Variants in TMBIM6 observed in about 807,000 individuals in gnomAD.
The protein encoded by TMBIM6 is bax inhibitor 1.
TMBIM6 carries 13 observed loss-of-function variants against 31.4 expected under a neutral mutation model. That is an observed-to-expected ratio of 0.41 (90% confidence interval 0.27 to 0.66). TMBIM6 has a LOEUF of 0.66. Ranked by LOEUF, TMBIM6 falls within the 30% of genes least tolerant of loss-of-function variation. TMBIM6 has a pLI of 0.28. For missense variants in TMBIM6, 275 were observed against 289.5 expected (o/e 0.95, Z 0.36); for synonymous variants, 85 against 101.7 (o/e 0.84, Z 0.99).
At chr12:49,747,923 A>G (rs1421068775) in intron 1 of TMBIM6, among the ~76,000 whole-genome samples, 3 of 152,024 alleles carry the variant, frequency 2.0e-5, no homozygotes, top group African/African-American at 7.2e-5. Flanking sequence ...AATTTTTTTT[A>G]CACGTAGTCT....
chr12:49,751,926 C>A (rs932076577), intron 1 of TMBIM6, among the ~76,000 whole-genome samples: 1 of 151,840 alleles, frequency 6.6e-6, no homozygotes, highest in Non-Finnish European at 1.5e-5. Context: ...ACACACCCAG[C>A]TAATTTTTGT....
intron 1 of TMBIM6, chr12:49,742,069 T>C: frequency 1.3e-6 from 2 of 1,564,612 alleles, no homozygotes; most frequent in Non-Finnish European, 1.7e-6. Context: ...GGGCGGGTCC[T>C]TTGGTCGGGC....
At chr12:49,747,093 A>G (rs566208531) in intron 1 of TMBIM6, among the ~76,000 whole-genome samples, 1 of 151,926 alleles carries the variant, frequency 6.6e-6, no homozygotes, top group African/African-American at 2.4e-5. Flanking sequence ...CCACTTAGGC[A>G]TCCCAAAGTG....
intron 1 of TMBIM6, chr12:49,742,734 G>C (rs760922108): frequency 6.5e-6 from 1 of 154,238 alleles, no homozygotes; most frequent in African/African-American, 2.4e-5. Context: ...CATTTCTTAT[G>C]ACCTGCGTAT....
intron 9 of TMBIM6, 105 bp downstream of exon 9, chr12:49,761,884 G>A (rs1040124604): frequency 9.1e-7 from 1 of 1,101,698 alleles, no homozygotes; most frequent in African/African-American, 1.6e-5. Flanking sequence ...GTTAGGTCCA[G>A]GGTAACTGTA....
At chr12:49,761,430 C>T (rs1945716917) in intron 8 of TMBIM6, among the ~76,000 whole-genome samples, 1 of 152,120 alleles carries the variant, frequency 6.6e-6, no homozygotes, top group Non-Finnish European at 1.5e-5. Flanking sequence ...GTCTCGAACT[C>T]CTGGGCTCAA....
At position 49,762,942 on chromosome 12, in the gene TMBIM6, C is replaced by T; in HGVS notation, c.*46C>T. On this transcript the variant is annotated 3_prime_UTR_variant, in exon 10 of 10. Transcript: ENST00000267115. ...CAATTAGACTTCCTCTCCTTCCACC[C>T]CTCATTTCCTTTTTGCACACATTAC... 6.3e-7 allele frequency: 1 copy of T among 1,598,396 alleles called. No homozygotes were observed. The highest frequency in any genetic ancestry group is 1.1e-5 in the South Asian group (1 of 90,552).
chr12:49,758,812 T>TC, intron 7 of TMBIM6, 50 bp downstream of exon 7: 1 of 1,489,560 alleles, frequency 6.7e-7, no homozygotes. Flanking sequence ...CACACTTCTT[T>TC]CTTTCCTTTT....
At chr12:49,759,177 T>C (rs1313788754) in intron 7 of TMBIM6, 44 bp from the exon 8 acceptor site, 2 of 1,544,992 alleles carry the variant, frequency 1.3e-6, no homozygotes, top group Non-Finnish European at 1.8e-6. Flanking sequence ...TTTTTTTCTC[T>C]GCAACTTCTG....
chr12:49,754,571 T>G (rs1463325772), intron 3 of TMBIM6, among the ~76,000 whole-genome samples: 1 of 152,212 alleles, frequency 6.6e-6, no homozygotes, highest in South Asian at 2.1e-4. Flanking sequence ...ACCTACCTTT[T>G]ATTTCCCTCA....
In TMBIM6 at chr12:49,759,217, T is replaced by C. The variant is rs766010570; in HGVS notation, c.514-4T>C. The C allele has an allele frequency of 9.9e-6, 16 of 1,613,770 alleles. No homozygotes were observed. The highest frequency in any genetic ancestry group is 3.3e-5 in the Admixed American group (2 of 60,008). On this transcript the variant is annotated splice_region_variant and splice_polypyrimidine_tract_variant and intron_variant, in intron 7 of 9. Coordinates refer to ENST00000267115, the MANE Select transcript of TMBIM6 (RefSeq NM_003217.3). ...ATAGTAACTTCATCTCTTACATTTG[T>C]TAGGCAAACCTGTATGTGGGACTGG...
intron 8 of TMBIM6, among the ~76,000 whole-genome samples, chr12:49,760,246 G>A (rs1383079285): frequency 1.3e-5 from 2 of 151,846 alleles, no homozygotes; most frequent in Admixed American, 6.6e-5. Flanking sequence ...TAAACAATGA[G>A]TAGAAGATAC....
rs534587022 is a variant in TMBIM6, at chr12:49,744,388, C to T, written c.-31+2777C>T. ...TTGTAGAATCTGGTAGAAATGTCTT[C>T]TACCACTCTGTTTTGTTCCCCCAGA... On this transcript the variant is annotated intron_variant, in intron 1 of 9. Transcript: ENST00000267115. The T allele has an allele frequency of 1.1e-4, 16 of 152,218 alleles. No homozygotes were observed. The East Asian group carries it at 2.9e-3, about 27-fold the overall frequency. 9.4% of individuals were successfully genotyped at this position (152,218 alleles called of 1,614,324 possible). A position where few individuals can be genotyped will look rare whatever the true frequency, so the allele number is the denominator to read the frequency against.
At chr12:49,760,812 G>A (rs1320993166) in intron 8 of TMBIM6, among the ~76,000 whole-genome samples, 1 of 151,456 alleles carries the variant, frequency 6.6e-6, no homozygotes. Flanking sequence ...AAAGTGGTGG[G>A]ATTACAGACA....
chr12:49,742,184 A>C, intron 1 of TMBIM6: 1 of 1,613,614 alleles, frequency 6.2e-7, no homozygotes. Flanking sequence ...TACTTAGCCA[A>C]CGGCAGAGGC....
chr12:49,749,624 G>C (rs1025633694), intron 1 of TMBIM6: 1 of 152,084 alleles, frequency 6.6e-6, no homozygotes, highest in Non-Finnish European at 1.5e-5. Flanking sequence ...GTAGAGACAG[G>C]GTTTCGCCGT....
In TMBIM6 at chr12:49,751,662, A is replaced by G. The variant is rs1333233672; in HGVS notation, c.-30-802A>G. On this transcript the variant is annotated intron_variant, in intron 1 of 9. Coordinates refer to ENST00000267115, the MANE Select transcript of TMBIM6 (RefSeq NM_003217.3). ...TTGATACGCATATATTTAAAATGCAAGTCTTAATGCCAGACCCAGCTTTAT... is the reference window on the plus strand; with the variant it reads ...TTGATACGCATATATTTAAAATGCAGGTCTTAATGCCAGACCCAGCTTTAT... Among the ~76,000 whole-genome samples the G allele has an allele frequency of 2.0e-5, 3 of 152,096 alleles. No individual in the cohort carries two copies. The East Asian group carries it at 5.8e-4, about 29-fold the overall frequency.
At position 49,755,690 on chromosome 12, in the gene TMBIM6, C is replaced by T; in HGVS notation, c.221C>T (p.Thr74Ile). 1 of 1,614,186 alleles carries T rather than the reference C, an allele frequency of 6.2e-7. No individual in the cohort carries two copies. The highest frequency in any genetic ancestry group is 1.7e-5 in the Admixed American group (1 of 60,028). Residue 74 changes from threonine (T) to isoleucine (I), a missense_variant, in exon 4 of 10, where the codon ACA (threonine) becomes ATA (isoleucine). Physicochemically the swap from Thr to Ile is moderately conservative, Grantham distance 89 (BLOSUM62 -1). Transcript: ENST00000267115. ...SLILMIWLMA[T>I]PHSHETEQKR... ...ATATTGATGATTTGGCTGATGGCAA[C>T]ACCTCATAGCCATGAAACTGAACAG...
chr12:49,744,050 A>C (rs1276123428), intron 1 of TMBIM6, among the ~76,000 whole-genome samples: 1 of 152,174 alleles, frequency 6.6e-6, no homozygotes, highest in Admixed American at 6.5e-5. Context: ...TGTGACACCA[A>C]ATCCTGTCCT....
Sources: allele counts gnomAD v4.1 joint callset (sites outside exome capture counted in the v4.1 genomes callset), GRCh38; gene constraint gnomAD v4.1.1; transcripts MANE v1.5; gene names NCBI Gene and HGNC (gene_info 2026-07-23, HGNC 2026-07-21).